The following NRG1 variants were observed in gnomAD, a reference collection of about 807,000 sequenced individuals.
The protein encoded by NRG1 is pro-neuregulin-1, membrane-bound isoform.
Under a neutral mutation model 63.8 loss-of-function variants are expected in NRG1, and 18 were observed. That is an observed-to-expected ratio of 0.28 (90% CI 0.19 to 0.42). NRG1 has a LOEUF of 0.42. Among genes scored for constraint, NRG1 ranks in the 10% least tolerant of loss-of-function variants. The pLI, the probability that NRG1 is intolerant of heterozygous loss-of-function variation, is 1.00. For missense variants in NRG1, 762 were observed against 814.7 expected (o/e 0.94, Z 0.79); for synonymous variants, 302 against 301.3 (o/e 1.00, Z -0.02).
chr8:32,488,418 A>G (rs1406876803), intron 1 of NRG1, among the ~76,000 whole-genome samples: 1 of 152,166 alleles, frequency 6.6e-6, no homozygotes, highest in Non-Finnish European at 1.5e-5. Flanking sequence ...GAGCAAATGA[A>G]GCCATTGAAA....
At position 31,639,459 on chromosome 8, in the gene NRG1, C is replaced by G. The variant is rs111764252; in HGVS notation, c.37+28C>G. ...AAACAGGCTGGCGAGGCGCAGGACG[C>G]TGTCGCCGCCGCGGCCACCCAGCGA... On this transcript the variant is annotated intron_variant, in intron 1 of 10. Coordinates refer to the NRG1 transcript ENST00000519301. 94 of 1,532,812 alleles carry G rather than the reference C, an allele frequency of 6.1e-5. No individual in the cohort carries two copies. The East Asian group carries it at 2.2e-3, about 36-fold the overall frequency. 95.0% of individuals were successfully genotyped at this position (1,532,812 alleles called of 1,614,324 possible).
intron 1 of NRG1, among the ~76,000 whole-genome samples, chr8:32,197,046 G>A (rs1184579153): frequency 1.5e-5 from 2 of 134,910 alleles, no homozygotes; most frequent in Non-Finnish European, 3.1e-5. Context: ...TGCAACCTTC[G>A]CCTCCCGGGT....
intron 2 of NRG1, among the ~76,000 whole-genome samples, chr8:32,599,576 G>T (rs914892492): frequency 1.3e-5 from 2 of 152,020 alleles, no homozygotes; most frequent in Admixed American, 1.3e-4. Context: ...TGTTTATTTG[G>T]CTAACCCATG....
chr8:32,173,030 A>G (rs985499295), intron 1 of NRG1, among the ~76,000 whole-genome samples: 1 of 152,124 alleles, frequency 6.6e-6, no homozygotes, highest in Non-Finnish European at 1.5e-5. Flanking sequence ...TCCAAGACAC[A>G]TAATTGTCAG....
chr8:31,664,379 G>T (rs188832091), intron 1 of NRG1, among the ~76,000 whole-genome samples: 19 of 152,296 alleles, frequency 1.2e-4, no homozygotes, highest in Non-Finnish European at 1.5e-5. Flanking sequence ...GCATAGAGTG[G>T]GAGGAAGGTT....
intron 6 of NRG1, among the ~76,000 whole-genome samples, chr8:32,740,302 T>C (rs573449960): frequency 4.0e-5 from 6 of 151,360 alleles, no homozygotes; most frequent in African/African-American, 1.5e-4. Flanking sequence ...TTCAAGTGAT[T>C]CTCCTGCCTC....
intron 1 of NRG1, among the ~76,000 whole-genome samples, chr8:32,470,183 C>CT (rs33936895): frequency 0.18 from 22,660 of 124,678 alleles, 2,292 homozygotes; most frequent in Middle Eastern, 0.2. Flanking sequence ...GAAAAGGACT[C>CT]TTTTTTTTTT....
intron 1 of NRG1, among the ~76,000 whole-genome samples, chr8:31,731,418 A>ACACACACT (rs1491143678): frequency 0.025 from 426 of 16,890 alleles, no homozygotes; most frequent in African/African-American, 0.089. Flanking sequence ...ATTATGTCAT[A>ACACACACT]CACACACACA....
At chr8:31,885,723 C>A (rs1212265075) in intron 1 of NRG1, among the ~76,000 whole-genome samples, 2 of 151,946 alleles carry the variant, frequency 1.3e-5, no homozygotes, top group African/African-American at 4.8e-5. Context: ...TTGCTAAATC[C>A]TGGGAAAAAT....
At chr8:31,989,489 T>C (rs2129632304) in intron 1 of NRG1, among the ~76,000 whole-genome samples, 1 of 152,054 alleles carries the variant, frequency 6.6e-6, no homozygotes, top group South Asian at 2.1e-4. Context: ...AGAAATAATC[T>C]CTAGAGTAAT....
At chr8:32,333,859 T>C (rs2129477786) in intron 1 of NRG1, among the ~76,000 whole-genome samples, 1 of 152,336 alleles carries the variant, frequency 6.6e-6, no homozygotes, top group African/African-American at 2.4e-5. Context: ...TACTTCCAGT[T>C]GTGTAAACAC....
At chr8:32,269,233 C>G (rs1331145056) in intron 1 of NRG1, among the ~76,000 whole-genome samples, 1 of 152,016 alleles carries the variant, frequency 6.6e-6, no homozygotes, top group Non-Finnish European at 1.5e-5. Flanking sequence ...TCTTAATTAT[C>G]AAAATAATCT....
chr8:32,608,758 A>G (rs2129540326), intron 3 of NRG1, among the ~76,000 whole-genome samples: 1 of 152,078 alleles, frequency 6.6e-6, no homozygotes, highest in Admixed American at 6.6e-5. Flanking sequence ...TTTTAACAAA[A>G]GTTACCTACC....
At position 32,181,164 on chromosome 8, in the gene NRG1, G is replaced by T. The variant is rs1841392177; in HGVS notation, c.38-414664G>T. Reference sequence around the variant, plus strand: ...TAGTTTCTTATGGTCCAAGCCCTTGGATCCTCTGTATTTTATCCACAGATG... The same window carrying T: ...TAGTTTCTTATGGTCCAAGCCCTTGTATCCTCTGTATTTTATCCACAGATG... On this transcript the variant is annotated intron_variant, in intron 1 of 10. Transcript: ENST00000519301. 1.3e-5 allele frequency among the ~76,000 whole-genome samples: 2 copies of T among 152,118 alleles called. 1 individual carries two copies. The highest frequency in any genetic ancestry group is 4.8e-5 in the African/African-American group (2 of 41,422).
chr8:32,110,749 G>C (rs1260021608), intron 1 of NRG1, among the ~76,000 whole-genome samples: 2 of 152,078 alleles, frequency 1.3e-5, no homozygotes, highest in Admixed American at 6.6e-5. Context: ...CGCCAGTCAT[G>C]GTACTCACAA....
intron 1 of NRG1, among the ~76,000 whole-genome samples, chr8:32,252,641 TTTG>T (rs1279441826): frequency 1.3e-5 from 2 of 152,202 alleles, no homozygotes; most frequent in African/African-American, 4.8e-5. Flanking sequence ...TGCCTCCAGC[TTTG>T]TTCTTTTTGC....
At chr8:32,233,606 C>T (rs1422426160) in intron 1 of NRG1, among the ~76,000 whole-genome samples, 1 of 143,004 alleles carries the variant, frequency 7.0e-6, no homozygotes, top group African/African-American at 2.5e-5. Flanking sequence ...CACTCTGTCA[C>T]CAGGCTGGAG....
intron 5 of NRG1, among the ~76,000 whole-genome samples, chr8:32,716,564 A>G (rs1230953434): frequency 6.6e-6 from 1 of 152,204 alleles, no homozygotes; most frequent in Non-Finnish European, 1.5e-5. Context: ...AGATAGATAC[A>G]GTGCTACCAG....
chr8:32,471,842 C>G (rs1823892352), intron 1 of NRG1, among the ~76,000 whole-genome samples: 1 of 152,184 alleles, frequency 6.6e-6, no homozygotes. Context: ...ACATCTAACT[C>G]TTTTGTAAAT....
Sources: allele counts gnomAD v4.1 joint callset (sites outside exome capture counted in the v4.1 genomes callset), GRCh38; gene constraint gnomAD v4.1.1; transcripts MANE v1.5; gene names NCBI Gene and HGNC (gene_info 2026-07-23, HGNC 2026-07-21).